The following DDHD1 variants were observed in gnomAD, a reference collection of about 807,000 sequenced individuals.
DDHD1 encodes phospholipase DDHD1.
DDHD1 carries 49 observed loss-of-function variants against 96.4 expected under a neutral mutation model. The ratio of observed to expected loss-of-function variants is 0.51; its 90% confidence interval spans 0.40 to 0.64. The LOEUF is 0.64. Ranked by LOEUF, DDHD1 falls within the 30% of genes least tolerant of loss-of-function variation. The pLI is 0.00. For missense variants in DDHD1, 1,106 were observed against 1,161.2 expected, an observed-to-expected ratio of 0.95 and a Z score of 0.69; for synonymous variants, 442 against 446.5, an observed-to-expected ratio of 0.99 and a Z score of 0.13.
At chr14:53,096,276 G>T (rs1886877241) in intron 2 of DDHD1, 1 of 795,064 alleles carries the variant, frequency 1.3e-6, no homozygotes, top group Non-Finnish European at 1.5e-6. Context: ...TTGCCATTTT[G>T]CCTTTTTGTT....
At position 53,152,433 on chromosome 14, in the gene DDHD1, G is replaced by A. The variant is rs775612123; in HGVS notation, c.666C>T (p.Ala222=). 3 of 1,613,728 alleles carry A rather than the reference G, an allele frequency of 1.9e-6. No homozygotes were observed. The highest frequency in any genetic ancestry group is 2.2e-5 in the South Asian group (2 of 91,080). Residue 222 remains alanine, a synonymous_variant, in exon 1 of 13, where the codon GCC becomes GCT. Coordinates refer to ENST00000673822, the MANE Select transcript of DDHD1 (RefSeq NM_001160148.2). ...GDHVCSPTGP[A]SSSGEDDDED... ...CATCGTCATCTTCTCCGGAACTGGA[G>A]GCTGGGCCCGTGGGGGAGCACACAT...
intron 9 of DDHD1, among the ~76,000 whole-genome samples, chr14:53,056,283 T>TA (rs1595092425): frequency 6.6e-6 from 1 of 152,170 alleles, no homozygotes; most frequent in East Asian, 1.9e-4. Flanking sequence ...GAGCTCTATT[T>TA]AAGCTCTGTT....
At chr14:53,123,719 T>G (rs1434828221) in intron 1 of DDHD1, among the ~76,000 whole-genome samples, 1 of 152,108 alleles carries the variant, frequency 6.6e-6, no homozygotes, top group African/African-American at 2.4e-5. Context: ...ATGGGAATAA[T>G]AATGCATGGA....
At chr14:53,105,941 TTC>T (rs140253551) in intron 1 of DDHD1, among the ~76,000 whole-genome samples, 12 of 151,416 alleles carry the variant, frequency 7.9e-5, no homozygotes, top group East Asian at 3.9e-4. Context: ...GTTCCAGTGG[TTC>T]TCTCTCTCTC....
At chr14:53,149,260 C>A (rs1891192488) in intron 1 of DDHD1, among the ~76,000 whole-genome samples, 1 of 152,196 alleles carries the variant, frequency 6.6e-6, no homozygotes, top group Non-Finnish European at 1.5e-5. Context: ...CACCCAGATG[C>A]AGTGGGCTAA....
intron 4 of DDHD1, among the ~76,000 whole-genome samples, chr14:53,083,266 A>G (rs1157943830): frequency 6.6e-6 from 1 of 152,186 alleles, no homozygotes; most frequent in Non-Finnish European, 1.5e-5. Context: ...TGTGTTCAAC[A>G]TACTGTGTTT....
In DDHD1 at chr14:53,056,227, G is replaced by A. The variant is rs571325963; in HGVS notation, c.1993-315C>T. 2.0e-5 allele frequency among the ~76,000 whole-genome samples: 3 copies of A among 152,194 alleles called. No individual in the cohort carries two copies. The East Asian group carries it at 5.8e-4, about 29-fold the overall frequency. On this transcript the variant is annotated intron_variant, in intron 9 of 12. Coordinates refer to ENST00000673822, the MANE Select transcript of DDHD1 (RefSeq NM_001160148.2). ...TAGGAGCAAAGTTGAAGTAGTAGAT[G>A]GTAATCCTGGGAAACAGCAAATAAG...
intron 1 of DDHD1, among the ~76,000 whole-genome samples, chr14:53,151,135 T>C (rs964941084): frequency 2.6e-5 from 4 of 152,216 alleles, no homozygotes; most frequent in African/African-American, 9.6e-5. Context: ...CACTAGGCCC[T>C]ATCAGAGTAC....
chr14:53,090,153 G>A (rs1486768681), intron 4 of DDHD1, among the ~76,000 whole-genome samples: 1 of 152,138 alleles, frequency 6.6e-6, no homozygotes, highest in Non-Finnish European at 1.5e-5. Context: ...TCAGAGAAAT[G>A]CAAATCAAAA....
At position 53,065,964 on chromosome 14, in the gene DDHD1, A is replaced by T. The variant is rs571916958; in HGVS notation, c.1504-2759T>A. Among the ~76,000 whole-genome samples, 92 of 152,294 alleles carry T rather than the reference A, an allele frequency of 6.0e-4. No homozygotes were observed. In the Middle Eastern group the frequency reaches 0.014, roughly 23 times the overall value. ...CTTGTAAGACATAAATATACACAGA[A>T]TCAATCATAATTTGAATGTCTAAGG... On this transcript the variant is annotated intron_variant, in intron 6 of 12. Coordinates refer to ENST00000673822, the MANE Select transcript of DDHD1 (RefSeq NM_001160148.2).
Position 53,051,912 on chromosome 14 carries a change from T to C in DDHD1, c.2453A>G (p.Glu818Gly). Residue 818 changes from glutamate to glycine, a missense_variant, in exon 12 of 13, where the codon GAA becomes GGA. Around this residue, in one of 2 missense-constraint regions of DDHD1, gnomAD observed 650 missense variants for 758.8 expected, o/e 0.86. Transcript: ENST00000673822. Reference sequence around the variant, plus strand: ...AAGTTGTGGGAGATTAAAGAACGATTCTTGAAGTCTGAAATCTGTGAAAAA... The same window carrying C: ...AAGTTGTGGGAGATTAAAGAACGATCCTTGAAGTCTGAAATCTGTGAAAAA... ...FLDSAYFRLQ[E>G]SFFNLPQLLF... 6.3e-7 allele frequency: 1 copy of C among 1,589,564 alleles called. No individual in the cohort carries two copies. Among genetic ancestry groups the C allele is most frequent in the South Asian group, 1.1e-5 (1 of 87,056 alleles).
intron 1 of DDHD1, among the ~76,000 whole-genome samples, chr14:53,137,106 C>T (rs1039134455): frequency 3.3e-5 from 5 of 152,022 alleles, no homozygotes; most frequent in African/African-American, 1.2e-4. Flanking sequence ...CTAAAATGAA[C>T]TTCTAGAGAT....
Position 53,043,193 on chromosome 14 carries a change from G to A in DDHD1, c.*3575C>T, listed in dbSNP as rs553266979. On this transcript the variant is annotated 3_prime_UTR_variant, in exon 13 of 13. Coordinates refer to ENST00000673822, the MANE Select transcript of DDHD1 (RefSeq NM_001160148.2). ...ATTTTCTGCAGACTAGGATGCTTCA[G>A]CTCCCAATGAGAAAACAGAGAAAAA... 6.6e-6 allele frequency: 1 copy of A among 152,248 alleles called. No homozygotes were observed. The highest frequency in any genetic ancestry group is 2.1e-4 in the South Asian group (1 of 4,818). 9.4% of individuals were successfully genotyped at this position (152,248 alleles called of 1,614,324 possible).
At chr14:53,063,230 CAT>C (rs1447165359) in intron 6 of DDHD1, 25 bp from the exon 7 acceptor site, 1 of 1,604,904 alleles carries the variant, frequency 6.2e-7, no homozygotes. Flanking sequence ...AAAACATTAT[CAT>C]ATTAGACTTG....
intron 4 of DDHD1, among the ~76,000 whole-genome samples, chr14:53,074,088 T>A (rs1595125373): frequency 6.6e-6 from 1 of 152,184 alleles, no homozygotes; most frequent in South Asian, 2.1e-4. Flanking sequence ...TACATTATAT[T>A]CTAAATAATT....
intron 11 of DDHD1, chr14:53,052,840 G>A: frequency 6.6e-6 from 1 of 151,832 alleles, no homozygotes; most frequent in African/African-American, 2.4e-5. Context: ...GAATTTATGT[G>A]TAAGAATGAC....
chr14:53,142,061 T>C (rs1890675178), intron 1 of DDHD1, among the ~76,000 whole-genome samples: 1 of 152,198 alleles, frequency 6.6e-6, no homozygotes, highest in Admixed American at 6.5e-5. Flanking sequence ...ATCTAAATAA[T>C]AATAATCACC....
At chr14:53,072,276 C>T (rs774213469) in intron 6 of DDHD1, among the ~76,000 whole-genome samples, 2 of 151,962 alleles carry the variant, frequency 1.3e-5, no homozygotes, top group Non-Finnish European at 2.9e-5. Flanking sequence ...CCATCACATA[C>T]AAAAAGTTTA....
chr14:53,055,978 C>A, intron 9 of DDHD1, 66 bp from the exon 10 acceptor site: 1 of 1,368,858 alleles, frequency 7.3e-7, no homozygotes. Context: ...TTTTAGTAAA[C>A]TGTTCTTACT....
Sources: allele counts gnomAD v4.1 joint callset (sites outside exome capture counted in the v4.1 genomes callset), GRCh38; gene constraint gnomAD v4.1.1; regional missense constraint gnomAD v4.1.1; transcripts MANE v1.5; gene names NCBI Gene and HGNC (gene_info 2026-07-23, HGNC 2026-07-21).